The following PCDHA7 variants were observed in gnomAD, a reference collection of about 807,000 sequenced individuals.
PCDHA7 encodes the protein protocadherin alpha 7, also known as protocadherin alpha-7.
In PCDHA7, 37 loss-of-function variants were observed where a neutral mutation model predicts 57.2. The observed-to-expected ratio is 0.65, with a 90% CI of 0.50 to 0.85. The LOEUF (loss-of-function observed/expected upper bound fraction) is 0.85, where lower values mean the gene tolerates loss of function less well. PCDHA7 is among the 40% of genes least tolerant of loss of function. The pLI is 0.00. For missense variants in PCDHA7, 1,188 were observed against 1,241.8 expected (o/e 0.96, Z 0.65); for synonymous variants, 553 against 558.8 (o/e 0.99, Z 0.15).
intron 3 of PCDHA7, among the ~76,000 whole-genome samples, chr5:140,995,324 G>C (rs1290299693): frequency 1.3e-5 from 2 of 152,190 alleles, no homozygotes; most frequent in Non-Finnish European, 2.9e-5. Context: ...GAACTAACAG[G>C]TGAGTAGTGT....
intron 1 of PCDHA7, chr5:140,878,049 A>G (rs1365340256): frequency 2.1e-6 from 1 of 479,780 alleles, no homozygotes; most frequent in African/African-American, 2.0e-5. Flanking sequence ...GCCATGGAGC[A>G]CCACACTTAA....
intron 1 of PCDHA7, chr5:140,871,538 A>G: frequency 6.6e-7 from 1 of 1,507,314 alleles, no homozygotes; most frequent in Non-Finnish European, 8.9e-7. Context: ...TGTATGTGAA[A>G]TTATTTAAAA....
At chr5:140,985,065 G>A (rs189493508) in intron 3 of PCDHA7, among the ~76,000 whole-genome samples, 45 of 152,190 alleles carry the variant, frequency 3.0e-4, no homozygotes, top group Admixed American at 5.2e-4. Context: ...AGCCTCCTGA[G>A]TAGCTGAGAC....
At chr5:140,952,351 AAAAG>A (rs1316352142) in intron 1 of PCDHA7, among the ~76,000 whole-genome samples, 25 of 120,612 alleles carry the variant, frequency 2.1e-4, no homozygotes, top group Non-Finnish European at 3.5e-4. Context: ...AAAAAAAAAA[AAAAG>A]AAAGAAAGAA....
intron 3 of PCDHA7, among the ~76,000 whole-genome samples, chr5:141,007,475 C>G (rs575810038): frequency 1.3e-5 from 2 of 151,322 alleles, no homozygotes; most frequent in Non-Finnish European, 2.9e-5. Context: ...GGCTGAGGCA[C>G]GAGAATTACT....
intron 1 of PCDHA7, chr5:140,927,385 C>G: frequency 6.2e-7 from 1 of 1,614,098 alleles, no homozygotes; most frequent in East Asian, 2.2e-5. Flanking sequence ...CAGCCTAAGC[C>G]CCAGTCAGCA....
intron 3 of PCDHA7, among the ~76,000 whole-genome samples, chr5:141,008,506 T>G (rs1362141784): frequency 5.9e-5 from 9 of 152,202 alleles, no homozygotes; most frequent in African/African-American, 2.2e-4. Context: ...CTTTATGGTG[T>G]GTCTTCCAAT....
intron 1 of PCDHA7, chr5:140,877,849 TA>T: frequency 6.5e-7 from 1 of 1,545,946 alleles, no homozygotes; most frequent in Non-Finnish European, 8.7e-7. Context: ...AGTAAGTTAT[TA>T]ATATTATTTA....
intron 1 of PCDHA7, among the ~76,000 whole-genome samples, chr5:140,964,913 A>G (rs1254329232): frequency 6.6e-6 from 1 of 152,202 alleles, no homozygotes; most frequent in African/African-American, 2.4e-5. Context: ...CTCTGGAATA[A>G]CACTGGCTAG....
At chr5:141,001,957 G>A in intron 3 of PCDHA7, among the ~76,000 whole-genome samples, 1 of 152,294 alleles carries the variant, frequency 6.6e-6, no homozygotes, top group African/African-American at 2.4e-5. Flanking sequence ...AGGAGGGAGA[G>A]GCGGGGTGTC....
At position 141,010,202 on chromosome 5, in the gene PCDHA7, GC is replaced by G. The variant is rs1308553255; in HGVS notation, c.*267del. 6.4e-7 allele frequency: 1 copy of G among 1,551,944 alleles called. No individual in the cohort carries two copies. The highest frequency in any genetic ancestry group is 8.7e-7 in the Non-Finnish European group (1 of 1,147,050). The stretch of plus-strand genomic sequence containing the variant: ...CAGACCCAAGTTTCCTTTCTCCTCC[GC>G]CGCAAAGGAGAGGCTTCCCAGCCCC... On this transcript the variant is annotated 3_prime_UTR_variant, in exon 4 of 4. Transcript: ENST00000525929.
rs539246204 is a variant in PCDHA7 at position 140,883,140 on chromosome 5, A to G, written c.2355+46402A>G. On this transcript the variant is annotated intron_variant, in intron 1 of 3. Coordinates refer to ENST00000525929, the MANE Select transcript of PCDHA7 (RefSeq NM_018910.3). The stretch of plus-strand genomic sequence containing the variant: ...AGGCCTGTATGGCCTGCAGTGGTAT[A>G]TGCATTTACCATAAATCCGAACAAT... 9 of 1,614,118 alleles carry G rather than the reference A, an allele frequency of 5.6e-6. No individual in the cohort carries two copies. The South Asian group carries it at 9.9e-5, about 18-fold the overall frequency.
chr5:140,870,391 G>C, intron 1 of PCDHA7: 1 of 1,614,230 alleles, frequency 6.2e-7, no homozygotes, highest in Non-Finnish European at 8.5e-7. Flanking sequence ...GCGGGATGGG[G>C]GTTCGCCTTC....
At chr5:140,874,887 T>G (rs1315281628) in intron 1 of PCDHA7, among the ~76,000 whole-genome samples, 2 of 152,350 alleles carry the variant, frequency 1.3e-5, no homozygotes, top group East Asian at 3.9e-4. Context: ...AATTCCTAAC[T>G]TTCTCTAAAA....
intron 1 of PCDHA7, among the ~76,000 whole-genome samples, chr5:140,895,655 A>G (rs2065093360): frequency 6.6e-6 from 1 of 152,154 alleles, no homozygotes. Context: ...TCCCACTTAT[A>G]AGTGAGAACA....
At chr5:140,843,948 A>G (rs1465306903) in intron 1 of PCDHA7, 4 of 562,382 alleles carry the variant, frequency 7.1e-6, no homozygotes, top group Non-Finnish European at 9.4e-6. Flanking sequence ...GATGATATCC[A>G]TTTTTTACTG....
intron 1 of PCDHA7, chr5:140,862,693 T>C (rs2047494827): frequency 1.8e-6 from 1 of 555,404 alleles, no homozygotes; most frequent in African/African-American, 1.9e-5. Flanking sequence ...GTCCTACTCG[T>C]TGATGGAACA....
chr5:140,977,850 T>C (rs1416064195), intron 1 of PCDHA7, among the ~76,000 whole-genome samples: 5 of 152,236 alleles, frequency 3.3e-5, no homozygotes, highest in African/African-American at 1.2e-4. Flanking sequence ...TATGGCTTTG[T>C]TTCTACCAAA....
chr5:140,856,897 G>C, intron 1 of PCDHA7: 1 of 1,596,350 alleles, frequency 6.3e-7, no homozygotes, highest in Non-Finnish European at 8.6e-7. Flanking sequence ...TTAGCTCTTT[G>C]GTCCCACCCA....
Sources: gnomAD v4.1 joint callset for allele counts (sites outside exome capture counted in the v4.1 genomes callset) on GRCh38, gnomAD v4.1.1 for gene constraint, MANE v1.5 for transcripts, NCBI Gene and HGNC (gene_info 2026-07-23, HGNC 2026-07-21) for gene names.